ZNF804A: variants seen among roughly 807,000 people sequenced by gnomAD.
ZNF804A encodes the protein zinc finger protein 804A.
Under a neutral mutation model 16.5 loss-of-function variants are expected in ZNF804A, and 2 were observed. That is an observed-to-expected ratio of 0.12 (90% CI 0.05 to 0.38). ZNF804A has a LOEUF of 0.38. Ranked by LOEUF, ZNF804A falls within the 10% of genes least tolerant of loss-of-function variation. The probability of loss-of-function intolerance (pLI) is 0.99; values close to 1 mark genes in which losing one functional copy is unlikely to be tolerated. For synonymous variants in ZNF804A, 534 were observed against 489.6 expected (o/e 1.09, Z -1.20); for missense variants, 1,473 against 1,390.7 (o/e 1.06, Z -0.94).
intron 1 of ZNF804A, among the ~76,000 whole-genome samples, chr2:184,780,332 A>G (rs992812397): frequency 2.0e-5 from 3 of 151,850 alleles, no homozygotes; most frequent in African/African-American, 7.2e-5. Context: ...TTTAATTCTT[A>G]GTGAAACCAG....
chr2:184,788,244 TTATAG>T (rs2105777370), intron 1 of ZNF804A, among the ~76,000 whole-genome samples: 1 of 152,184 alleles, frequency 6.6e-6, no homozygotes, highest in Admixed American at 6.6e-5. Context: ...TACTATAGCC[TTATAG>T]TATAATTTGA....
intron 1 of ZNF804A, among the ~76,000 whole-genome samples, chr2:184,723,715 T>G (rs2105743732): frequency 6.6e-6 from 1 of 151,904 alleles, no homozygotes; most frequent in Non-Finnish European, 1.5e-5. Flanking sequence ...ATGTATATTT[T>G]GATCACTGTG....
chr2:184,843,577 C>A (rs1435751837), intron 1 of ZNF804A, among the ~76,000 whole-genome samples: 1 of 151,966 alleles, frequency 6.6e-6, no homozygotes, highest in Non-Finnish European at 1.5e-5. Context: ...CTTGGCCCTG[C>A]CATCAACCTT....
At chr2:184,620,807 G>C (rs909396885) in intron 1 of ZNF804A, among the ~76,000 whole-genome samples, 6 of 151,646 alleles carry the variant, frequency 4.0e-5, no homozygotes, top group Non-Finnish European at 7.4e-5. Flanking sequence ...GTAATTACTT[G>C]ATTGATTTCA....
At chr2:184,716,264 A>G (rs1410218839) in intron 1 of ZNF804A, among the ~76,000 whole-genome samples, 1 of 152,024 alleles carries the variant, frequency 6.6e-6, no homozygotes, top group East Asian at 1.9e-4. Context: ...TTCTTCATGT[A>G]TTTTCCTAAG....
intron 1 of ZNF804A, among the ~76,000 whole-genome samples, chr2:184,662,229 T>C (rs1692185641): frequency 6.6e-6 from 1 of 152,200 alleles, no homozygotes; most frequent in South Asian, 2.1e-4. Flanking sequence ...GTGTCATCAA[T>C]ATGGAGTTTT....
chr2:184,610,242 G>A (rs978714259), intron 1 of ZNF804A, among the ~76,000 whole-genome samples: 1 of 152,214 alleles, frequency 6.6e-6, no homozygotes, highest in Non-Finnish European at 1.5e-5. Flanking sequence ...TACCTTGGAT[G>A]TTCCAGCTTT....
At chr2:184,610,394 CAA>C (rs1160458622) in intron 1 of ZNF804A, among the ~76,000 whole-genome samples, 3 of 151,924 alleles carry the variant, frequency 2.0e-5, no homozygotes, top group Non-Finnish European at 4.4e-5. Flanking sequence ...TGGGAGTTGC[CAA>C]AGACTTTTAG....
chr2:184,697,920 G>A (rs1692858909), intron 1 of ZNF804A, among the ~76,000 whole-genome samples: 1 of 151,926 alleles, frequency 6.6e-6, no homozygotes, highest in Non-Finnish European at 1.5e-5. Flanking sequence ...ATATTCACTG[G>A]GTGGGTCTGA....
At chr2:184,858,179 T>A (rs1408635743) in intron 1 of ZNF804A, among the ~76,000 whole-genome samples, 1 of 151,962 alleles carries the variant, frequency 6.6e-6, no homozygotes, top group African/African-American at 2.4e-5. Flanking sequence ...ATATATATAT[T>A]TTTTATAGTT....
rs114260143 is a variant in ZNF804A, at chr2:184,834,867, T to C, written c.112-31502T>C. ...CTGACTATTCACTTAAATCCCTGGATTATGCAATTATGCAATTCAGGGATT... is the reference window on the plus strand; with the variant it reads ...CTGACTATTCACTTAAATCCCTGGACTATGCAATTATGCAATTCAGGGATT... On this transcript the variant is annotated intron_variant, in intron 1 of 3. Transcript: ENST00000302277. Among the ~76,000 whole-genome samples, 989 of 152,286 alleles carry C rather than the reference T, an allele frequency of 6.5e-3. 16 individuals carry two copies. The highest frequency in any genetic ancestry group is 0.022 in the African/African-American group (920 of 41,584).
At chr2:184,787,104 A>C (rs1694460213) in intron 1 of ZNF804A, among the ~76,000 whole-genome samples, 1 of 151,684 alleles carries the variant, frequency 6.6e-6, no homozygotes, top group Non-Finnish European at 1.5e-5. Flanking sequence ...TTCAACCCTC[A>C]CCTCTCTTAC....
At chr2:184,916,901 A>C (rs1474080837) in intron 2 of ZNF804A, among the ~76,000 whole-genome samples, 1 of 151,968 alleles carries the variant, frequency 6.6e-6, no homozygotes, top group East Asian at 1.9e-4. Flanking sequence ...AAAAAAATGC[A>C]TAGGTAATCT....
rs1685208006 is a variant in ZNF804A at position 184,902,783 on chromosome 2, A to G, written c.256-30820A>G. 2.0e-5 allele frequency among the ~76,000 whole-genome samples: 3 copies of G among 152,272 alleles called. No individual in the cohort carries two copies. The South Asian group carries it at 6.2e-4, about 32-fold the overall frequency. Reference sequence around the variant, plus strand: ...TTGTTTCTATTGTCACTGTTTTTGTAATAAGCTTAAGGCCAAATGTTATGA... The same window carrying G: ...TTGTTTCTATTGTCACTGTTTTTGTGATAAGCTTAAGGCCAAATGTTATGA... On this transcript the variant is annotated intron_variant, in intron 2 of 3. Coordinates refer to ENST00000302277, the MANE Select transcript of ZNF804A (RefSeq NM_194250.2).
chr2:184,599,503 G>A (rs1197192993), intron 1 of ZNF804A, among the ~76,000 whole-genome samples: 3 of 152,278 alleles, frequency 2.0e-5, no homozygotes, highest in Middle Eastern at 3.4e-3. Context: ...AGGAAGTGGC[G>A]GGATTGAGTG....
intron 1 of ZNF804A, among the ~76,000 whole-genome samples, chr2:184,819,648 A>T (rs1033389698): frequency 4.0e-5 from 6 of 151,814 alleles, no homozygotes; most frequent in Non-Finnish European, 7.4e-5. Context: ...TTAAAAAAAA[A>T]AATTTAATAA....
intron 1 of ZNF804A, among the ~76,000 whole-genome samples, chr2:184,833,556 C>T (rs1695298211): frequency 6.6e-6 from 1 of 152,066 alleles, no homozygotes; most frequent in Non-Finnish European, 1.5e-5. Context: ...TGTTACCATG[C>T]TTAACATGCA....
At position 184,933,846 on chromosome 2, in the gene ZNF804A, A is replaced by C. The variant is rs1262532609; in HGVS notation, c.386+113A>C. The C allele has an allele frequency of 2.7e-6, 3 of 1,102,624 alleles. No homozygotes were observed. The African/African-American group carries it at 4.9e-5, about 18-fold the overall frequency. The allele number at this position is 1,102,624 out of a possible 1,614,324, so 68.3% of individuals were successfully genotyped here. ...TTTATTACTGTACCCAGAATAAGGC[A>C]CACATGTTTTCATGGCCTTCTGTAG... is the stretch of plus-strand genomic sequence containing the variant. On this transcript the variant is annotated intron_variant, in intron 3 of 3. Coordinates refer to ENST00000302277, the MANE Select transcript of ZNF804A (RefSeq NM_194250.2).
intron 1 of ZNF804A, among the ~76,000 whole-genome samples, chr2:184,692,891 A>C (rs191526210): frequency 6.6e-6 from 1 of 152,204 alleles, no homozygotes; most frequent in Non-Finnish European, 1.5e-5. Context: ...CAAATAAAAA[A>C]AATACATAGC....
Sources: allele counts gnomAD v4.1 joint callset (sites outside exome capture counted in the v4.1 genomes callset), GRCh38; gene constraint gnomAD v4.1.1; transcripts MANE v1.5; gene names NCBI Gene and HGNC (gene_info 2026-07-23, HGNC 2026-07-21).